The following CD82 variants were observed in gnomAD, a reference collection of about 807,000 sequenced individuals.
CD82 encodes CD82 antigen.
CD82 carries 36 observed loss-of-function variants against 37.4 expected under a neutral mutation model. The observed-to-expected ratio is 0.96, with a 90% CI of 0.74 to 1.27. The LOEUF is 1.27. Among genes scored for constraint, CD82 ranks in the 50% most tolerant of loss-of-function variants. The pLI is 0.00. For synonymous variants in CD82, 158 were observed against 137.4 expected (o/e 1.15, Z -1.05); for missense variants, 340 against 347.0 (o/e 0.98, Z 0.16).
chr11:44,600,138 C>T lies in CD82; in HGVS notation c.64-20C>T. On this transcript the variant is annotated intron_variant, in intron 3 of 9. Coordinates refer to ENST00000227155, the MANE Select transcript of CD82 (RefSeq NM_002231.4). ...CTATCTGCTCTTGGCTCCCCATTAA[C>T]TGCTCCCTTCTCCTTCCAGATCCTG... 2 of 1,613,566 alleles carry T rather than the reference C, an allele frequency of 1.2e-6. No individual in the cohort carries two copies. The highest frequency in any genetic ancestry group is 3.3e-5 in the Admixed American group (2 of 60,008).
intron 2 of CD82, among the ~76,000 whole-genome samples, chr11:44,590,803 C>G (rs7350506): frequency 0.18 from 27,483 of 151,936 alleles, 2,673 homozygotes; most frequent in Non-Finnish European, 0.21. Context: ...GGCATAACCC[C>G]TGGCACTCTG....
chr11:44,595,991 TC>T (rs1853220110), intron 3 of CD82, among the ~76,000 whole-genome samples: 2 of 152,026 alleles, frequency 1.3e-5, no homozygotes, highest in African/African-American at 4.8e-5. Flanking sequence ...TACAATGTGT[TC>T]CTGGCACCCG....
chr11:44,605,474 T>C (rs766521631), intron 6 of CD82, 45 bp downstream of exon 6: 1 of 1,554,774 alleles, frequency 6.4e-7, no homozygotes, highest in African/African-American at 1.4e-5. Flanking sequence ...GGACCAACCA[T>C]GGGGGTGATT....
chr11:44,594,646 GCTC>G lies in CD82; in HGVS notation c.-15_-13del. 6.2e-7 allele frequency: 1 copy of G among 1,608,340 alleles called. No individual in the cohort carries two copies. Among genetic ancestry groups the G allele is most frequent in the Non-Finnish European group, 8.5e-7 (1 of 1,174,638 alleles). On this transcript the variant is annotated 5_prime_UTR_variant, in exon 3 of 10. Coordinates refer to ENST00000227155, the MANE Select transcript of CD82 (RefSeq NM_002231.4). ...CTGCCTGCCTTCTCTCTTCCAGGAA[GCTC>G]CAGGACTGGCGGGATGGGCTCAGCC... is the stretch of plus-strand genomic sequence containing the variant.
In CD82 at chr11:44,594,636, C is replaced by T; in HGVS notation, c.-20-7C>T. 1 of 1,600,250 alleles carries T rather than the reference C, an allele frequency of 6.2e-7. No individual in the cohort carries two copies. The highest frequency in any genetic ancestry group is 1.1e-5 in the South Asian group (1 of 90,828). On this transcript the variant is annotated splice_region_variant and splice_polypyrimidine_tract_variant and intron_variant, in intron 2 of 9. Transcript: ENST00000227155. Reference sequence around the variant, plus strand: ...CCTCACTGGCCTGCCTGCCTTCTCTCTTCCAGGAAGCTCCAGGACTGGCGG... The same window carrying T: ...CCTCACTGGCCTGCCTGCCTTCTCTTTTCCAGGAAGCTCCAGGACTGGCGG...
At chr11:44,584,422 G>A (rs889012731) in intron 1 of CD82, among the ~76,000 whole-genome samples, 1 of 152,188 alleles carries the variant, frequency 6.6e-6, no homozygotes, top group Admixed American at 6.5e-5. Context: ...GGGTAGCTGA[G>A]ATTACAGGCA....
Position 44,600,156 on chromosome 11 carries a change from A to G in CD82, c.64-2A>G, listed in dbSNP as rs1853286628. 1 of 1,613,928 alleles carries G rather than the reference A, an allele frequency of 6.2e-7. No homozygotes were observed. Among genetic ancestry groups the G allele is most frequent in the Non-Finnish European group, 8.5e-7 (1 of 1,179,950 alleles). The stretch of plus-strand genomic sequence containing the variant: ...CCATTAACTGCTCCCTTCTCCTTCC[A>G]GATCCTGGGCGCAGTGATCCTGGGC... On this transcript the variant is annotated splice_acceptor_variant, in intron 3 of 9. Coordinates refer to ENST00000227155, the MANE Select transcript of CD82 (RefSeq NM_002231.4). LOFTEE classifies it high-confidence loss of function.
rs531197883 is a variant in CD82, at chr11:44,590,480, G to A, written c.-21+2924G>A. 2.8e-3 allele frequency among the ~76,000 whole-genome samples: 427 copies of A among 151,266 alleles called. 2 individuals carry two copies. Among genetic ancestry groups the A allele is most frequent in the Non-Finnish European group, 5.2e-3 (353 of 67,792 alleles). On this transcript the variant is annotated intron_variant, in intron 2 of 9. Coordinates refer to ENST00000227155, the MANE Select transcript of CD82 (RefSeq NM_002231.4). ...AACAAAATTATTCAGGCATGGTGGC[G>A]GGCGCCTGTAGTCCCAGCTACTTGG...
chr11:44,594,781 C>T, intron 3 of CD82, 56 bp downstream of exon 3: 2 of 1,450,680 alleles, frequency 1.4e-6, no homozygotes, highest in Non-Finnish European at 1.9e-6. Flanking sequence ...CTTCCAGGGG[C>T]ATCCCAGCCT....
intron 5 of CD82, 45 bp downstream of exon 5, chr11:44,605,227 C>T: frequency 1.2e-6 from 2 of 1,607,972 alleles, no homozygotes; most frequent in Non-Finnish European, 1.7e-6. Flanking sequence ...TTCCTCTCAT[C>T]CAGCCGAGTG....
chr11:44,595,248 C>A (rs1483292918), intron 3 of CD82, among the ~76,000 whole-genome samples: 1 of 151,972 alleles, frequency 6.6e-6, no homozygotes, highest in African/African-American at 2.4e-5. Context: ...ATACCTCCTT[C>A]CCCAGACCCA....
At chr11:44,614,075 C>T (rs565518383) in intron 6 of CD82, among the ~76,000 whole-genome samples, 4 of 152,232 alleles carry the variant, frequency 2.6e-5, no homozygotes, top group South Asian at 2.1e-4. Context: ...TGCAGTGGTG[C>T]GATCTCGACT....
chr11:44,567,734 C>T (rs950916195), intron 1 of CD82, among the ~76,000 whole-genome samples: 12 of 152,148 alleles, frequency 7.9e-5, no homozygotes, highest in Admixed American at 1.3e-4. Context: ...CAAGCGACCA[C>T]ATAAGGCCTG....
At chr11:44,616,815 C>T (rs1417742512) in intron 7 of CD82, among the ~76,000 whole-genome samples, 1 of 152,166 alleles carries the variant, frequency 6.6e-6, no homozygotes, top group African/African-American at 2.4e-5. Context: ...CGGAGTCAGG[C>T]CAAGGGGTTG....
chr11:44,567,686 C>T (rs1852756128), intron 1 of CD82, among the ~76,000 whole-genome samples: 1 of 152,046 alleles, frequency 6.6e-6, no homozygotes, highest in Non-Finnish European at 1.5e-5. Flanking sequence ...ATGGAAAGCC[C>T]TCCCCACCAC....
chr11:44,596,410 A>G (rs1718139035), intron 3 of CD82, among the ~76,000 whole-genome samples: 1 of 152,238 alleles, frequency 6.6e-6, no homozygotes, highest in African/African-American at 2.4e-5. Flanking sequence ...CTGGCCTAGG[A>G]GATCACGGAG....
chr11:44,567,070 T>TC (rs1852746126), intron 1 of CD82, among the ~76,000 whole-genome samples: 2 of 152,086 alleles, frequency 1.3e-5, no homozygotes, highest in African/African-American at 4.8e-5. Flanking sequence ...CAATGAGGGC[T>TC]CCCCCATCCC....
rs71038809 is a variant in CD82 at position 44,598,400 on chromosome 11, A to ATTT, written c.64-1731_64-1729dup. Among the ~76,000 whole-genome samples the ATTT allele has an allele frequency of 1.9e-3, 112 of 58,886 alleles. 22 individuals carry two copies. The highest frequency in any genetic ancestry group is 4.9e-3 in the African/African-American group (75 of 15,300). The allele number at this position is 58,886 out of a possible 152,430, so 38.6% of individuals were successfully genotyped here. On this transcript the variant is annotated intron_variant, in intron 3 of 9. Coordinates refer to ENST00000227155, the MANE Select transcript of CD82 (RefSeq NM_002231.4). ...CAGTTATCATGGATTTTTGGCCTTA[A>ATTT]TTTTTTTTTTTTTTTTTTTTTTTTT...
chr11:44,619,176 C>T lies in CD82; in HGVS notation c.*50C>T. 6.8e-7 allele frequency: 1 copy of T among 1,463,500 alleles called. No homozygotes were observed. The highest frequency in any genetic ancestry group is 9.6e-7 in the Non-Finnish European group (1 of 1,042,586). The allele number at this position is 1,463,500 out of a possible 1,614,324, so 90.7% of individuals were successfully genotyped here. ...GCCTGGCCCCCAACCTCAGGGCTCC[C>T]AGGGGTCTCCCTGGCTCCCTCCTCC... is the stretch of plus-strand genomic sequence containing the variant. On this transcript the variant is annotated 3_prime_UTR_variant, in exon 10 of 10. Transcript: ENST00000227155.
Sources: gnomAD v4.1 joint callset for allele counts (sites outside exome capture counted in the v4.1 genomes callset) on GRCh38, gnomAD v4.1.1 for gene constraint, MANE v1.5 for transcripts, NCBI Gene and HGNC (gene_info 2026-07-23, HGNC 2026-07-21) for gene names.